The following MAP1B variants were observed in gnomAD, a reference collection of about 807,000 sequenced individuals.
The protein encoded by MAP1B is microtubule-associated protein 1B.
MAP1B carries 12 observed loss-of-function variants against 176.1 expected under a neutral mutation model. The observed-to-expected ratio is 0.07, with a 90% CI of 0.04 to 0.11. The LOEUF is 0.11. Among genes scored for constraint, MAP1B ranks in the 10% least tolerant of loss-of-function variants. MAP1B has a pLI of 1.00. For synonymous variants in MAP1B, 1,044 were observed against 1,135.0 expected (o/e 0.92, Z 1.61); for missense variants, 2,523 against 2,990.5 (o/e 0.84, Z 3.65).
At chr5:72,172,631 A>T (rs1746568414) in intron 2 of MAP1B, among the ~76,000 whole-genome samples, 1 of 152,270 alleles carries the variant, frequency 6.6e-6, no homozygotes. Context: ...AAACCTGTCA[A>T]GTGACTCCAA....
At chr5:72,162,577 G>A (rs780243247) in intron 2 of MAP1B, among the ~76,000 whole-genome samples, 7 of 152,008 alleles carry the variant, frequency 4.6e-5, no homozygotes, top group Non-Finnish European at 7.4e-5. Context: ...TTATGTTAGC[G>A]CTTATGAAAT....
rs370630401 is a variant in MAP1B, at chr5:72,107,733, C to G, written c.184+18C>G. The G allele has an allele frequency of 1.9e-6, 3 of 1,597,340 alleles. No homozygotes were observed. Among genetic ancestry groups the G allele is most frequent in the East Asian group, 2.2e-5 (1 of 44,806 alleles). On this transcript the variant is annotated intron_variant, in intron 1 of 6. Transcript: ENST00000296755. ...CGAGCTCGGTAAGTGGCCCCGCGCC[C>G]CCAGAGACGCGCGCTGGGAGACGCG... is the stretch of plus-strand genomic sequence containing the variant.
intron 2 of MAP1B, among the ~76,000 whole-genome samples, chr5:72,178,634 C>G (rs1201444326): frequency 7.9e-5 from 12 of 152,072 alleles, no homozygotes; most frequent in Admixed American, 7.9e-4. Flanking sequence ...CATCATCTCC[C>G]TTTCATACTG....
intron 2 of MAP1B, among the ~76,000 whole-genome samples, chr5:72,134,263 G>A (rs568898177): frequency 1.3e-5 from 2 of 152,304 alleles, no homozygotes; most frequent in East Asian, 3.9e-4. Flanking sequence ...GAAGTCCTTT[G>A]ATTTCTGCTC....
chr5:72,195,101 CAAAGA>C lies in MAP1B; in HGVS notation c.1751_1755del (p.Glu584GlyfsTer19), dbSNP rs1747121888. On this transcript the variant is annotated frameshift_variant, in exon 5 of 7. Transcript: ENST00000296755. LOFTEE classifies it high-confidence loss of function. ...TGGAAAAGCCACCCAAAGTTGAAAG[CAAAGA>C]AAAGGTAATGGTGAAAAAAGACAAG... 1 of 1,612,890 alleles carries C rather than the reference CAAAGA, an allele frequency of 6.2e-7. No homozygotes were observed. Among genetic ancestry groups the C allele is most frequent in the Non-Finnish European group, 8.5e-7 (1 of 1,179,522 alleles).
Position 72,123,705 on chromosome 5 carries a change from C to T in MAP1B, c.286+7906C>T, listed in dbSNP as rs574637845. ...TTCACTGTGTTAGCCAGGATGGTCTCGATCTCCTGACCTCGTGATCTGCCC... is the reference window on the plus strand; with the variant it reads ...TTCACTGTGTTAGCCAGGATGGTCTTGATCTCCTGACCTCGTGATCTGCCC... On this transcript the variant is annotated intron_variant, in intron 2 of 6. Coordinates refer to ENST00000296755, the MANE Select transcript of MAP1B (RefSeq NM_005909.5). Among the ~76,000 whole-genome samples, 8 of 152,200 alleles carry T rather than the reference C, an allele frequency of 5.3e-5. No individual in the cohort carries two copies. The East Asian group carries it at 5.8e-4, about 11-fold the overall frequency.
intron 1 of MAP1B, 101 bp downstream of exon 1, chr5:72,107,816 C>T: frequency 8.2e-7 from 1 of 1,213,312 alleles, no homozygotes; most frequent in Non-Finnish European, 1.2e-6. Flanking sequence ...GCGCCCCGCA[C>T]CCATGCCTCT....
At chr5:72,158,967 T>TCTTA (rs1347614258) in intron 2 of MAP1B, among the ~76,000 whole-genome samples, 1 of 152,208 alleles carries the variant, frequency 6.6e-6, no homozygotes, top group African/African-American at 2.4e-5. Context: ...ATGCCAGGCT[T>TCTTA]CTTACCTGTA....
Position 72,115,771 on chromosome 5 carries a change from C to T in MAP1B, c.258C>T (p.His86=), listed in dbSNP as rs1383534601. The part of the protein sequence containing the change: ...DQELKLFVSR[H]SARFSPEVPG... The stretch of plus-strand genomic sequence containing the variant: ...AACTCAAACTTTTTGTATCTCGACA[C>T]TCTGCAAGATTCTCTCCTGAAGTCC... Residue 86 remains histidine (H), a synonymous_variant, in exon 2 of 7, where the codon CAC becomes CAT. Coordinates refer to ENST00000296755, the MANE Select transcript of MAP1B (RefSeq NM_005909.5). 4 of 1,613,596 alleles carry T rather than the reference C, an allele frequency of 2.5e-6. No homozygotes were observed. Among genetic ancestry groups the T allele is most frequent in the African/African-American group, 1.3e-5 (1 of 75,014 alleles).
chr5:72,163,836 T>C (rs1746369969), intron 2 of MAP1B, among the ~76,000 whole-genome samples: 1 of 151,954 alleles, frequency 6.6e-6, no homozygotes, highest in East Asian at 1.9e-4. Context: ...AATAGATCCA[T>C]ATAAATTCAT....
chr5:72,174,875 T>TCTTC (rs60281377), intron 2 of MAP1B, among the ~76,000 whole-genome samples: 76,139 of 136,280 alleles, frequency 0.56, 21,865 homozygotes, highest in East Asian at 0.79. Context: ...CTGCTTCCTT[T>TCTTC]CTTCCTTCCT....
chr5:72,202,024 T>TA (rs773791714), intron 5 of MAP1B, among the ~76,000 whole-genome samples: 3 of 152,174 alleles, frequency 2.0e-5, no homozygotes, highest in Admixed American at 1.3e-4. Flanking sequence ...ACACAATTTT[T>TA]AAAAAAACTT....
At chr5:72,188,810 G>A (rs1327505088) in intron 4 of MAP1B, among the ~76,000 whole-genome samples, 2 of 152,166 alleles carry the variant, frequency 1.3e-5, no homozygotes, top group African/African-American at 4.8e-5. Flanking sequence ...GGTAGGTTCT[G>A]GAGGACACAT....
In MAP1B at chr5:72,123,416, G is replaced by T. The variant is rs549769679; in HGVS notation, c.286+7617G>T. Among the ~76,000 whole-genome samples the T allele has an allele frequency of 3.3e-5, 5 of 151,852 alleles. 1 individual carries two copies. The highest frequency in any genetic ancestry group is 1.2e-4 in the African/African-American group (5 of 41,420). The stretch of plus-strand genomic sequence containing the variant: ...CCTCCTGGGATGAAGCTACCCTCTC[G>T]TCTCAGCCTCTGAAATAGCTGGGAC... On this transcript the variant is annotated intron_variant, in intron 2 of 6. Transcript: ENST00000296755.
At chr5:72,108,186 G>C (rs1050155776) in intron 1 of MAP1B, among the ~76,000 whole-genome samples, 2 of 152,168 alleles carry the variant, frequency 1.3e-5, no homozygotes, top group Non-Finnish European at 1.5e-5. Context: ...TCCTCACCAC[G>C]GCTACCTCAG....
In MAP1B at chr5:72,196,022, C is replaced by G; in HGVS notation, c.2667C>G (p.Ala889=). The G allele has an allele frequency of 1.9e-6, 3 of 1,614,184 alleles. 1 individual carries two copies. In the South Asian group the frequency reaches 3.3e-5, roughly 18 times the overall value. Residue 889 remains alanine (A), a synonymous_variant, in exon 5 of 7, where the codon GCC becomes GCG. Coordinates refer to ENST00000296755, the MANE Select transcript of MAP1B (RefSeq NM_005909.5). The surrounding 1 kb of genome is among the most constrained non-coding windows in gnomAD (Gnocchi z 5.3). The stretch of plus-strand genomic sequence containing the variant: ...AGAGAGAAGTCACCAAAGGTCCTGC[C>G]GAGTCCCCTGATGAGGGAATCACTA... ...QKEREVTKGP[A]ESPDEGITTT...
rs114433156 is a variant in MAP1B at position 72,114,372 on chromosome 5, A to G, written c.185-1326A>G. On this transcript the variant is annotated intron_variant, in intron 1 of 6. Transcript: ENST00000296755. Reference sequence around the variant, plus strand: ...TATTTATTCCTTCAAGTCTGTATACATGACTAATGTCCAACAAAAATGATT... The same window carrying G: ...TATTTATTCCTTCAAGTCTGTATACGTGACTAATGTCCAACAAAAATGATT... Among the ~76,000 whole-genome samples the G allele has an allele frequency of 9.1e-3, 1,391 of 152,320 alleles. 21 individuals are homozygous for G. Among genetic ancestry groups the G allele is most frequent in the African/African-American group, 0.032 (1,311 of 41,552 alleles).
chr5:72,116,643 G>A (rs1745443230), intron 2 of MAP1B, among the ~76,000 whole-genome samples: 1 of 151,956 alleles, frequency 6.6e-6, no homozygotes, highest in Non-Finnish European at 1.5e-5. Context: ...ACAGTTTCTG[G>A]CCCATAAAGA....
chr5:72,133,091 C>T (rs777794621), intron 2 of MAP1B, among the ~76,000 whole-genome samples: 18 of 152,302 alleles, frequency 1.2e-4, no homozygotes, highest in Non-Finnish European at 2.5e-4. Context: ...ATGCATCTGG[C>T]GTGGGATGCT....
Sources: gnomAD v4.1 joint callset for allele counts (sites outside exome capture counted in the v4.1 genomes callset) on GRCh38, gnomAD v4.1.1 for gene constraint, Gnocchi (gnomAD v3.1) non-coding constraint, MANE v1.5 for transcripts, NCBI Gene and HGNC (gene_info 2026-07-23, HGNC 2026-07-21) for gene names.